Variants in PDGFC observed in about 807,000 individuals in gnomAD.
PDGFC encodes the protein platelet derived growth factor C.
In PDGFC, 12 loss-of-function variants were observed where a neutral mutation model predicts 35.5. That is an observed-to-expected ratio of 0.34 (90% CI 0.22 to 0.55). PDGFC has a LOEUF of 0.55. Ranked by LOEUF, PDGFC falls within the 20% of genes least tolerant of loss-of-function variation. The probability of loss-of-function intolerance (pLI) is 0.91; values close to 1 mark genes in which losing one functional copy is unlikely to be tolerated. For missense variants in PDGFC, 322 were observed against 412.4 expected, an observed-to-expected ratio of 0.78 and a Z score of 1.90; for synonymous variants, 159 against 148.8, an observed-to-expected ratio of 1.07 and a Z score of -0.50.
At chr4:156,955,364 G>C (rs1732181932) in intron 1 of PDGFC, among the ~76,000 whole-genome samples, 2 of 151,770 alleles carry the variant, frequency 1.3e-5, no homozygotes, top group Non-Finnish European at 2.9e-5. Context: ...TTTGAAACTT[G>C]TTTAGAGAGT....
chr4:156,925,164 G>A (rs1731377269), intron 1 of PDGFC, among the ~76,000 whole-genome samples: 1 of 152,190 alleles, frequency 6.6e-6, no homozygotes, highest in Non-Finnish European at 1.5e-5. Context: ...ATGTCAGTTG[G>A]CCAAAACTGT....
At chr4:156,825,934 T>C (rs1268140259) in intron 2 of PDGFC, among the ~76,000 whole-genome samples, 1 of 151,494 alleles carries the variant, frequency 6.6e-6, no homozygotes, top group East Asian at 1.9e-4. Context: ...AGTAGCACAA[T>C]CATAGTTCAT....
At chr4:156,816,718 T>G (rs994430746) in intron 2 of PDGFC, among the ~76,000 whole-genome samples, 1 of 152,200 alleles carries the variant, frequency 6.6e-6, no homozygotes, top group Non-Finnish European at 1.5e-5. Flanking sequence ...GAGCCCATGC[T>G]CTTAAGTGCT....
chr4:156,881,411 A>G (rs1403653925), intron 1 of PDGFC, among the ~76,000 whole-genome samples: 1 of 152,144 alleles, frequency 6.6e-6, no homozygotes, highest in Non-Finnish European at 1.5e-5. Flanking sequence ...ACTCCCTGAT[A>G]TGGTTTGGCT....
chr4:156,926,270 T>C (rs1486864529), intron 1 of PDGFC, among the ~76,000 whole-genome samples: 1 of 152,136 alleles, frequency 6.6e-6, no homozygotes, highest in African/African-American at 2.4e-5. Context: ...GCTTAGGATC[T>C]TAATGACCCT....
chr4:156,908,967 AAGG>A (rs1730980103), intron 1 of PDGFC, among the ~76,000 whole-genome samples: 1 of 152,206 alleles, frequency 6.6e-6, no homozygotes, highest in Non-Finnish European at 1.5e-5. Context: ...TGGTAAGGGA[AAGG>A]AGAAGTCACA....
At chr4:156,772,985 GA>G in intron 3 of PDGFC, 92 bp from the exon 4 acceptor site, 1 of 808,758 alleles carries the variant, frequency 1.2e-6, no homozygotes, top group Non-Finnish European at 2.1e-6. Context: ...ACTGAGGCTG[GA>G]AATATGTGTG....
chr4:156,863,129 T>C (rs1729757254), intron 1 of PDGFC, among the ~76,000 whole-genome samples: 1 of 152,194 alleles, frequency 6.6e-6, no homozygotes, highest in Admixed American at 6.6e-5. Flanking sequence ...ACAGAATTAG[T>C]TGTCACAATA....
intron 2 of PDGFC, among the ~76,000 whole-genome samples, 158 bp from the exon 3 acceptor site, chr4:156,811,175 C>A (rs1731923669): frequency 6.6e-6 from 1 of 152,028 alleles, no homozygotes; most frequent in South Asian, 2.1e-4. Context: ...AAAGAAGAGA[C>A]ACAACTGAAA....
intron 1 of PDGFC, among the ~76,000 whole-genome samples, chr4:156,863,262 A>G (rs1729760592): frequency 6.6e-6 from 1 of 152,316 alleles, no homozygotes; most frequent in Admixed American, 6.5e-5. Flanking sequence ...AAAACTGGAC[A>G]CTATAATTTT....
At chr4:156,850,532 G>A (rs1012655990) in intron 1 of PDGFC, 116 bp from the exon 2 acceptor site, 2 of 499,748 alleles carry the variant, frequency 4.0e-6, no homozygotes, top group Non-Finnish European at 7.0e-6. Flanking sequence ...TGTTTTATAT[G>A]ATATATGCCA....
chr4:156,912,908 A>G (rs1731072253), intron 1 of PDGFC, among the ~76,000 whole-genome samples: 1 of 152,082 alleles, frequency 6.6e-6, no homozygotes, highest in Non-Finnish European at 1.5e-5. Flanking sequence ...AAAATCTTTT[A>G]AGAGGTATCT....
At chr4:156,955,145 T>C (rs1381688827) in intron 1 of PDGFC, among the ~76,000 whole-genome samples, 2 of 151,932 alleles carry the variant, frequency 1.3e-5, no homozygotes, top group African/African-American at 4.8e-5. Flanking sequence ...GGGCCTTAAA[T>C]CCACGTTGGC....
chr4:156,895,903 T>C (rs1464699144), intron 1 of PDGFC, among the ~76,000 whole-genome samples: 1 of 152,130 alleles, frequency 6.6e-6, no homozygotes, highest in African/African-American at 2.4e-5. Flanking sequence ...CAAACATGAT[T>C]AACATATTTA....
At chr4:156,873,402 T>A (rs1239152831) in intron 1 of PDGFC, among the ~76,000 whole-genome samples, 1 of 152,188 alleles carries the variant, frequency 6.6e-6, no homozygotes, top group Non-Finnish European at 1.5e-5. Flanking sequence ...TGAACCACTG[T>A]TTCTGAAGGT....
intron 1 of PDGFC, among the ~76,000 whole-genome samples, chr4:156,868,046 C>T (rs1188916126): frequency 6.6e-6 from 1 of 152,036 alleles, no homozygotes; most frequent in Non-Finnish European, 1.5e-5. Context: ...CCCAGCTGGC[C>T]TCAAGTGAAC....
chr4:156,790,576 T>G (rs973733265), intron 3 of PDGFC, among the ~76,000 whole-genome samples: 2 of 152,320 alleles, frequency 1.3e-5, no homozygotes, highest in African/African-American at 4.8e-5. Flanking sequence ...GTTTAAATAT[T>G]AACAACACAA....
intron 1 of PDGFC, among the ~76,000 whole-genome samples, chr4:156,956,462 T>C (rs1244989707): frequency 6.6e-6 from 1 of 152,026 alleles, no homozygotes; most frequent in African/African-American, 2.4e-5. Flanking sequence ...GAAGCACCAA[T>C]CCAAGCTTGA....
At chr4:156,848,982 A>G (rs1484526132) in intron 2 of PDGFC, among the ~76,000 whole-genome samples, 1 of 152,032 alleles carries the variant, frequency 6.6e-6, no homozygotes, top group African/African-American at 2.4e-5. Flanking sequence ...TAGCATCCAC[A>G]AAAGGGATAG....
Sources: gnomAD v4.1 joint callset for allele counts (sites outside exome capture counted in the v4.1 genomes callset) on GRCh38, gnomAD v4.1.1 for gene constraint, MANE v1.5 for transcripts, NCBI Gene and HGNC (gene_info 2026-07-23, HGNC 2026-07-21) for gene names.